Variants in EED observed in about 807,000 individuals in gnomAD.
EED encodes polycomb protein EED.
Under a neutral mutation model 61.0 loss-of-function variants are expected in EED, and 9 were observed. The ratio of observed to expected loss-of-function variants is 0.15; its 90% CI spans 0.09 to 0.26. EED has a LOEUF of 0.26. Among genes scored for constraint, EED ranks in the 10% least tolerant of loss-of-function variants. EED has a pLI of 1.00. For missense variants in EED, 315 were observed against 542.3 expected (o/e 0.58, Z 4.16); for synonymous variants, 187 against 174.4 (o/e 1.07, Z -0.57).
intron 9 of EED, among the ~76,000 whole-genome samples, chr11:86,272,365 G>A (rs1946138493): frequency 6.6e-6 from 1 of 151,962 alleles, no homozygotes; most frequent in South Asian, 2.1e-4. Context: ...GCCACTGTTG[G>A]TTTATTTTGC....
At chr11:86,249,080 G>A (rs1476647727) in intron 1 of EED, among the ~76,000 whole-genome samples, 1 of 152,162 alleles carries the variant, frequency 6.6e-6, no homozygotes, top group Admixed American at 6.5e-5. Flanking sequence ...TATAGATAAT[G>A]CATAGTTTTC....
the EED span, among the ~76,000 whole-genome samples, chr11:86,287,092 TC>T: frequency 2.0e-5 from 3 of 151,738 alleles, no homozygotes; most frequent in African/African-American, 7.3e-5. Context: ...ATTTTCTATT[TC>T]TTTTTTTTTT....
At chr11:86,267,009 A>G (rs1347579341) in intron 8 of EED, among the ~76,000 whole-genome samples, 1 of 152,176 alleles carries the variant, frequency 6.6e-6, no homozygotes, top group Non-Finnish European at 1.5e-5. Context: ...AGTGTCCTCT[A>G]AGAATTATTA....
chr11:86,268,233 T>C lies in EED; in HGVS notation c.861-223T>C, dbSNP rs2138204146. ...ATGTTTATAAACAAAGTATCTATCA[T>C]AGGACAAAGATAAAATTGGATAATA... On this transcript the variant is annotated intron_variant, in intron 8 of 11. Transcript: ENST00000263360. The C allele has an allele frequency of 7.5e-6, 3 of 399,738 alleles. No individual in the cohort carries two copies. The East Asian group carries it at 1.3e-4, about 18-fold the overall frequency. 24.8% of individuals were successfully genotyped at this position (399,738 alleles called of 1,614,324 possible).
Position 86,266,223 on chromosome 11 carries a change from G to A in EED, c.860+7G>A, listed in dbSNP as rs777218182. The A allele has an allele frequency of 1.1e-5, 17 of 1,573,940 alleles. No homozygotes were observed. Among genetic ancestry groups the A allele is most frequent in the African/African-American group, 4.1e-5 (3 of 73,524 alleles). ...ATCCAAATAAAACTAACAGGTAACA[G>A]TTGTGGTATTTGAAACAATTTGCTA... On this transcript the variant is annotated splice_region_variant and intron_variant, in intron 8 of 11. Coordinates refer to ENST00000263360, the MANE Select transcript of EED (RefSeq NM_003797.5).
chr11:86,280,201 G>A (rs938857762), downstream of EED, among the ~76,000 whole-genome samples: 12 of 152,022 alleles, frequency 7.9e-5, no homozygotes, highest in Non-Finnish European at 1.3e-4. Context: ...AGTGATTCTC[G>A]TGCCTCACCC....
At chr11:86,260,182 A>G (rs1945790684) in intron 6 of EED, among the ~76,000 whole-genome samples, 1 of 152,200 alleles carries the variant, frequency 6.6e-6, no homozygotes, top group Non-Finnish European at 1.5e-5. Context: ...GAACATTGTT[A>G]TATTTCAAGC....
At chr11:86,266,597 A>G (rs1463040296) in intron 8 of EED, among the ~76,000 whole-genome samples, 1 of 152,126 alleles carries the variant, frequency 6.6e-6, no homozygotes, top group Non-Finnish European at 1.5e-5. Context: ...AAATGATGCT[A>G]ATTCTAATTC....
chr11:86,247,566 T>C (rs1009381964), intron 1 of EED, among the ~76,000 whole-genome samples: 15 of 152,206 alleles, frequency 9.9e-5, no homozygotes, highest in African/African-American at 3.6e-4. Context: ...AAGCATGTGT[T>C]ACCTAGATAA....
chr11:86,274,780 C>T (rs1185213134), intron 9 of EED, among the ~76,000 whole-genome samples: 1 of 152,188 alleles, frequency 6.6e-6, no homozygotes, highest in East Asian at 1.9e-4. Flanking sequence ...TATTAGGCCT[C>T]CTCTGATACC....
intron 6 of EED, among the ~76,000 whole-genome samples, chr11:86,260,398 T>A (rs1565695604): frequency 1.4e-5 from 1 of 73,472 alleles, no homozygotes; most frequent in African/African-American, 4.0e-5. Flanking sequence ...GGCTAATTTT[T>A]AAAAATTTTT....
In EED at chr11:86,245,032, C is replaced by T; in HGVS notation, c.-198C>T. The T allele has an allele frequency of 2.1e-6, 1 of 482,110 alleles. No individual in the cohort carries two copies. The highest frequency in any genetic ancestry group is 3.7e-6 in the Non-Finnish European group (1 of 270,630). 29.9% of individuals were successfully genotyped at this position (482,110 alleles called of 1,614,324 possible). A position where few individuals can be genotyped will look rare whatever the true frequency, so the allele number is the denominator to read the frequency against. ...AGCCGCGCGGGAGGGCGCGCGCGCG[C>T]GCCCCTTTTTCAGCAGTGTGGCGGG... On this transcript the variant is annotated 5_prime_UTR_variant, in exon 1 of 12. Transcript: ENST00000263360.
At chr11:86,250,655 G>A (rs901027608) in intron 2 of EED, among the ~76,000 whole-genome samples, 5 of 150,468 alleles carry the variant, frequency 3.3e-5, no homozygotes, top group African/African-American at 1.2e-4. Context: ...GTTTTTTGTT[G>A]TTTTAATTTA....
intron 9 of EED, among the ~76,000 whole-genome samples, chr11:86,275,452 A>G (rs1427432675): frequency 6.6e-6 from 1 of 152,226 alleles, no homozygotes; most frequent in Non-Finnish European, 1.5e-5. Flanking sequence ...CCTAGACCTC[A>G]CCTTCAGAAA....
At chr11:86,250,534 C>CTT (rs1046590971) in intron 2 of EED, 86 bp downstream of exon 2, 2 of 1,343,404 alleles carry the variant, frequency 1.5e-6, no homozygotes, top group African/African-American at 1.5e-5. Flanking sequence ...TCAGGATACT[C>CTT]TGTCAAGTTG....
At position 86,266,077 on chromosome 11, in the gene EED, A is replaced by T. The variant is rs371131577; in HGVS notation, c.727-6A>T. 1 of 1,578,626 alleles carries T rather than the reference A, an allele frequency of 6.3e-7. No individual in the cohort carries two copies. Among genetic ancestry groups the T allele is most frequent in the Non-Finnish European group, 8.6e-7 (1 of 1,166,478 alleles). ...TTTATATAAAACTTTTTGGTTTTGC[A>T]TACAGGATTATGATCTTTTGGGTGA... On this transcript the variant is annotated splice_polypyrimidine_tract_variant and splice_region_variant and intron_variant, in intron 7 of 11. Transcript: ENST00000263360.
rs1434590457 is a variant in EED, at chr11:86,256,453, G to A, written c.493G>A (p.Val165Ile). 1.9e-6 allele frequency: 3 copies of A among 1,612,546 alleles called. No homozygotes were observed. Among genetic ancestry groups the A allele is most frequent in the Non-Finnish European group, 1.7e-6 (2 of 1,178,898 alleles). The change falls in exon 5 of 12, where the codon GTA (valine) becomes ATA (isoleucine). Residue 165 changes from valine (V) to isoleucine (I), a missense_variant. This residue lies in a region of EED where 205 missense variants were observed against 455.4 expected (regional missense o/e 0.45). Coordinates refer to ENST00000263360, the MANE Select transcript of EED (RefSeq NM_003797.5). ...CAATACGAGCCATCCTCTGCTGGCT[G>A]TAGCTGGATCTAGAGGCATAATTAG... The part of the protein sequence containing the change: ...DSNTSHPLLA[V>I]AGSRGIIRII...
At chr11:86,285,640 C>T in the EED span, among the ~76,000 whole-genome samples, 16 of 151,434 alleles carry the variant, frequency 1.1e-4, no homozygotes, top group South Asian at 2.2e-3. Flanking sequence ...TCTTGTTGCC[C>T]GGGCTGGAGT....
chr11:86,246,396 C>T (rs531366524), intron 1 of EED, among the ~76,000 whole-genome samples: 3 of 152,346 alleles, frequency 2.0e-5, no homozygotes, highest in Non-Finnish European at 4.4e-5. Context: ...TTCATTTTCT[C>T]AGTTTGGCTA....
Sources: gnomAD v4.1 joint callset for allele counts (sites outside exome capture counted in the v4.1 genomes callset) on GRCh38, gnomAD v4.1.1 for gene constraint, gnomAD v4.1.1 regional missense constraint, MANE v1.5 for transcripts, NCBI Gene and HGNC (gene_info 2026-07-23, HGNC 2026-07-21) for gene names.